Variants in PASK observed in about 807,000 individuals in gnomAD.
PASK encodes the protein PAS domain containing serine/threonine kinase, also known as PAS domain-containing serine/threonine-protein kinase.
In PASK, 110 loss-of-function variants were observed where a neutral mutation model predicts 121.0. The observed-to-expected ratio is 0.91, with a 90% CI of 0.78 to 1.06. The LOEUF (loss-of-function observed/expected upper bound fraction) is 1.06. PASK is among the 50% of genes least tolerant of loss of function. The pLI, the probability that PASK is intolerant of heterozygous loss-of-function variation, is 0.00. For synonymous variants in PASK, 686 were observed against 717.8 expected (o/e 0.96, Z 0.71); for missense variants, 1,643 against 1,702.3 (o/e 0.97, Z 0.61).
At chr2:241,120,169 TAATA>T (rs1277368078) in intron 12 of PASK, among the ~76,000 whole-genome samples, 1 of 152,130 alleles carries the variant, frequency 6.6e-6, no homozygotes, top group Non-Finnish European at 1.5e-5. Context: ...TACAATTTAA[TAATA>T]AAAAGACAAC....
upstream of PASK, chr2:241,149,631 A>G (rs900923962): frequency 1.1e-5 from 17 of 1,538,464 alleles, no homozygotes; most frequent in East Asian, 4.9e-5. Context: ...GGCGCTTCGG[A>G]GGAGCCAAAG....
At position 241,140,510 on chromosome 2, in the gene PASK, G is replaced by C; in HGVS notation, c.429+11C>G. ...CATCTACACAGCTGGATCTAAAAGA[G>C]AAGCAAATACCTCTGTGGTCTTGGC... On this transcript the variant is annotated intron_variant, in intron 3 of 17. Coordinates refer to ENST00000234040, the MANE Select transcript of PASK (RefSeq NM_015148.4). 6.4e-7 allele frequency: 1 copy of C among 1,567,420 alleles called. No individual in the cohort carries two copies. Among genetic ancestry groups the C allele is most frequent in the African/African-American group, 1.3e-5 (1 of 74,112 alleles).
chr2:241,132,807 G>T (rs959025332), intron 9 of PASK, 67 bp downstream of exon 9: 18 of 1,275,658 alleles, frequency 1.4e-5, no homozygotes, highest in Non-Finnish European at 2.1e-5. Flanking sequence ...TCTCTGACTT[G>T]TTCCTCATTC....
chr2:241,142,264 C>G (rs1177787354), intron 2 of PASK, among the ~76,000 whole-genome samples: 1 of 152,220 alleles, frequency 6.6e-6, no homozygotes, highest in Non-Finnish European at 1.5e-5. Flanking sequence ...TTTTCCAGGT[C>G]TACCCCAACT....
rs2064960600 is a variant in PASK, at chr2:241,108,080, T to C, written c.3667+87A>G. 2 of 1,215,662 alleles carry C rather than the reference T, an allele frequency of 1.6e-6. No homozygotes were observed. The highest frequency in any genetic ancestry group is 2.4e-6 in the Non-Finnish European group (2 of 818,192). The allele number at this position is 1,215,662 out of a possible 1,614,324, so 75.3% of individuals were successfully genotyped here. ...ATGAGACTGTTGATATGGACAGAGA[T>C]ACACTGAGGAATGAGGAAATGGGAA... is the stretch of plus-strand genomic sequence containing the variant. On this transcript the variant is annotated intron_variant, in intron 16 of 17. Coordinates refer to ENST00000234040, the MANE Select transcript of PASK (RefSeq NM_015148.4). This position sits in a 1 kb window ranked among gnomAD's most constrained non-coding sequence, Gnocchi z 5.2.
At chr2:241,133,264 T>C (rs2066252580) in intron 8 of PASK, 2 of 590,422 alleles carry the variant, frequency 3.4e-6, no homozygotes, top group South Asian at 1.9e-5. Context: ...AACACCCAAG[T>C]CAGAGCACGG....
chr2:241,123,898 G>C (rs2065736132), intron 11 of PASK, 51 bp downstream of exon 11: 2 of 1,451,354 alleles, frequency 1.4e-6, no homozygotes, highest in East Asian at 4.5e-5. Context: ...TAGGATATTT[G>C]CCACACAGTA....
At chr2:241,149,505 T>A, upstream of PASK, 1 of 719,024 alleles carries the variant, frequency 1.4e-6, no homozygotes, top group Non-Finnish European at 2.3e-6. Flanking sequence ...GCACAGCGAC[T>A]AGCACCGATT....
In PASK at chr2:241,137,137, TAGCCGCTCACAGG is replaced by T; in HGVS notation, c.991_1003del (p.Pro331ThrfsTer32). 1 of 1,613,766 alleles carries T rather than the reference TAGCCGCTCACAGG, an allele frequency of 6.2e-7. No homozygotes were observed. Among genetic ancestry groups the T allele is most frequent in the Non-Finnish European group, 8.5e-7 (1 of 1,179,942 alleles). ...GCAGAACACCCAGACAGATGCCCGG[TAGCCGCTCACAGG>T]GGCCGCCTCACCGGTGGTCGCCTCC... On this transcript the variant is annotated frameshift_variant, in exon 7 of 18. Transcript: ENST00000234040. LOFTEE classifies it high-confidence loss of function.
chr2:241,128,527 C>A lies in PASK; in HGVS notation c.1464-1076G>T, dbSNP rs12475043. On this transcript the variant is annotated intron_variant, in intron 9 of 17. Transcript: ENST00000234040. ...AGATGCACAGAATGTGACCGCACCA[C>A]CTCACTCGGGGACAGACACACAGGT... Among the ~76,000 whole-genome samples the A allele has an allele frequency of 1.1e-3, 160 of 152,290 alleles. 5 individuals are homozygous for A. The highest frequency in any genetic ancestry group is 8.9e-3 in the Admixed American group (136 of 15,302).
chr2:241,127,561 T>C (rs2065930823), intron 9 of PASK, 110 bp from the exon 10 acceptor site: 10 of 929,818 alleles, frequency 1.1e-5, no homozygotes, highest in South Asian at 8.2e-5. Context: ...ATGCCACCAA[T>C]TTATAACAAG....
At chr2:241,114,586 A>C in intron 14 of PASK, 4 of 1,032,680 alleles carry the variant, frequency 3.9e-6, no homozygotes, top group Non-Finnish European at 4.7e-6. Flanking sequence ...GAAACAGATC[A>C]AGACAAATAC....
In PASK at chr2:241,112,542, C is replaced by T; in HGVS notation, c.3334-103G>A. On this transcript the variant is annotated intron_variant, in intron 14 of 17. Transcript: ENST00000234040. The surrounding 1 kb of genome is among the most constrained non-coding windows in gnomAD (Gnocchi z 5.2). Reference sequence around the variant, plus strand: ...AAAAAAACACAAAGAAAAAATAAACCTCCGACTCATAATGAACTGGGGACA... The same window carrying T: ...AAAAAAACACAAAGAAAAAATAAACTTCCGACTCATAATGAACTGGGGACA... 1 of 728,030 alleles carries T rather than the reference C, an allele frequency of 1.4e-6. No homozygotes were observed. The highest frequency in any genetic ancestry group is 2.3e-6 in the Non-Finnish European group (1 of 441,910). The allele number at this position is 728,030 out of a possible 1,614,324, so 45.1% of individuals were successfully genotyped here.
intron 12 of PASK, among the ~76,000 whole-genome samples, chr2:241,118,488 C>T (rs944817811): frequency 1.3e-5 from 2 of 152,246 alleles, no homozygotes; most frequent in East Asian, 1.9e-4. Flanking sequence ...TATCCACATA[C>T]GAAAGGGTGA....
At chr2:241,144,215 A>G (rs923855125) in intron 1 of PASK, among the ~76,000 whole-genome samples, 2 of 151,988 alleles carry the variant, frequency 1.3e-5, no homozygotes, top group Non-Finnish European at 2.9e-5. Flanking sequence ...CATTCATGTG[A>G]CCACCCTGCA....
intron 3 of PASK, 44 bp downstream of exon 3, chr2:241,140,477 C>T: frequency 2.9e-6 from 4 of 1,368,242 alleles, no homozygotes; most frequent in Non-Finnish European, 4.1e-6. Context: ...GCACAAACCA[C>T]AAATCCACAT....
At chr2:241,127,748 CA>C (rs1319917694) in intron 9 of PASK, 7 of 416,726 alleles carry the variant, frequency 1.7e-5, no homozygotes, top group Non-Finnish European at 3.2e-5. Context: ...TCAGGGCCCC[CA>C]AACCCCCCGT....
At chr2:241,128,316 AAAAG>A (rs2125431797) in intron 9 of PASK, among the ~76,000 whole-genome samples, 1 of 152,296 alleles carries the variant, frequency 6.6e-6, no homozygotes, top group South Asian at 2.1e-4. Flanking sequence ...CACGGGCCGA[AAAAG>A]AGAGAGGAGG....
Position 241,124,102 on chromosome 2 carries a change from G to A in PASK, c.2751C>T (p.Leu917=), listed in dbSNP as rs912210938. The change falls in exon 11 of 18, where the codon CTC becomes CTT. Residue 917 remains leucine, a synonymous_variant. Transcript: ENST00000234040. ...AGCAGAACAGAGGTGTGGGGCCCTG[G>A]AGCTCCACCCGCCTCACCTCAAACT... ...SIQFEVRRVE[L]QGPTPLFCCW... 7 of 1,613,068 alleles carry A rather than the reference G, an allele frequency of 4.3e-6. No individual in the cohort carries two copies. The highest frequency in any genetic ancestry group is 4.5e-5 in the East Asian group (2 of 44,864).
Sources: allele counts gnomAD v4.1 joint callset (sites outside exome capture counted in the v4.1 genomes callset), GRCh38; gene constraint gnomAD v4.1.1; non-coding constraint Gnocchi (gnomAD v3.1); transcripts MANE v1.5; gene names NCBI Gene and HGNC (gene_info 2026-07-23, HGNC 2026-07-21).